WDR41: variants seen among roughly 807,000 people sequenced by gnomAD.
WDR41 encodes the protein WD repeat-containing protein 41.
Under a neutral mutation model 69.3 loss-of-function variants are expected in WDR41, and 63 were observed. That is an observed-to-expected ratio of 0.91 (90% CI 0.74 to 1.12). The LOEUF is 1.12. Ranked by LOEUF, WDR41 falls within the 50% of genes most tolerant of loss-of-function variation. WDR41 has a pLI of 0.00. For missense variants in WDR41, 543 were observed against 534.5 expected (o/e 1.02, Z -0.16); for synonymous variants, 185 against 192.1 (o/e 0.96, Z 0.31).
chr5:77,533,810 T>C (rs1424865498), intron 1 of WDR41, among the ~76,000 whole-genome samples: 1 of 152,180 alleles, frequency 6.6e-6, no homozygotes, highest in East Asian at 1.9e-4. Flanking sequence ...TTAAACCTTA[T>C]CAGATTTATT....
intron 1 of WDR41, among the ~76,000 whole-genome samples, chr5:77,501,032 G>T (rs1018820956): frequency 1.3e-5 from 2 of 152,206 alleles, no homozygotes; most frequent in African/African-American, 2.4e-5. Context: ...CTTGGACAGT[G>T]GGCACAACCC....
chr5:77,607,610 A>T lies in WDR41; in HGVS notation c.42+12869T>A, dbSNP rs188377648. On this transcript the variant is annotated intron_variant, in intron 1 of 5. Transcript: ENST00000509971. Reference sequence around the variant, plus strand: ...TAGATCCTCTGTATGATTCTTCTAGATATGTCATTCCAAGATAAGTGTGGT... The same window carrying T: ...TAGATCCTCTGTATGATTCTTCTAGTTATGTCATTCCAAGATAAGTGTGGT... 7.9e-5 allele frequency among the ~76,000 whole-genome samples: 12 copies of T among 152,344 alleles called. No homozygotes were observed. The East Asian group carries it at 2.3e-3, about 29-fold the overall frequency.
intron 1 of WDR41, among the ~76,000 whole-genome samples, chr5:77,516,361 T>C (rs1395482455): frequency 6.6e-6 from 1 of 152,214 alleles, no homozygotes; most frequent in East Asian, 1.9e-4. Flanking sequence ...AAATAACGCA[T>C]GAATATATTA....
At position 77,604,606 on chromosome 5, in the gene WDR41, A is replaced by G. The variant is rs1020441713; in HGVS notation, c.42+15873T>C. Among the ~76,000 whole-genome samples the G allele has an allele frequency of 3.9e-5, 6 of 152,314 alleles. No individual in the cohort carries two copies. In the East Asian group the frequency reaches 1.2e-3, roughly 29 times the overall value. On this transcript the variant is annotated intron_variant, in intron 1 of 5. Transcript: ENST00000509971. ...GTTTTGACATTATCTATAAAATTAA[A>G]AATGGAAAAGTCTTTGATCTAGCAA...
At chr5:77,435,373 G>C (rs2151283399) in intron 12 of WDR41, among the ~76,000 whole-genome samples, 1 of 152,250 alleles carries the variant, frequency 6.6e-6, no homozygotes, top group East Asian at 1.9e-4. Context: ...TGCAGCCTAG[G>C]GTAACAGCCT....
intron 1 of WDR41, among the ~76,000 whole-genome samples, chr5:77,535,312 A>G (rs868442099): frequency 6.6e-6 from 1 of 152,160 alleles, no homozygotes; most frequent in African/African-American, 2.4e-5. Context: ...GGGGAGAAAC[A>G]TGCTATATTT....
chr5:77,606,590 G>T (rs1744424271), intron 1 of WDR41, among the ~76,000 whole-genome samples: 1 of 151,970 alleles, frequency 6.6e-6, no homozygotes, highest in Non-Finnish European at 1.5e-5. Context: ...ATCACTTGAG[G>T]CCAGGAGTTC....
chr5:77,575,307 A>G (rs1260935116), intron 1 of WDR41, among the ~76,000 whole-genome samples: 2 of 152,324 alleles, frequency 1.3e-5, no homozygotes, highest in East Asian at 3.9e-4. Flanking sequence ...GAACTTTGCA[A>G]TGAGATAATT....
intron 1 of WDR41, among the ~76,000 whole-genome samples, chr5:77,613,691 C>T (rs1744613652): frequency 6.6e-6 from 1 of 152,172 alleles, no homozygotes; most frequent in South Asian, 2.1e-4. Flanking sequence ...CCATAAAAAC[C>T]CTAGAAGAAA....
intron 11 of WDR41, 27 bp from the exon 12 acceptor site, chr5:77,436,421 A>G (rs1798937832): frequency 6.2e-7 from 1 of 1,613,214 alleles, no homozygotes; most frequent in South Asian, 1.1e-5. Context: ...TTCCAAAATT[A>G]CTGTGCTCTG....
chr5:77,481,377 G>A (rs890191800), intron 2 of WDR41, among the ~76,000 whole-genome samples: 13 of 152,124 alleles, frequency 8.5e-5, no homozygotes, highest in Non-Finnish European at 1.8e-4. Context: ...TATTTTTGAG[G>A]TAAGCCTGTA....
intron 7 of WDR41, among the ~76,000 whole-genome samples, chr5:77,450,469 C>CT (rs1799582749): frequency 6.6e-6 from 1 of 152,146 alleles, no homozygotes; most frequent in African/African-American, 2.4e-5. Flanking sequence ...CTGACTTTAA[C>CT]AAATACAGTT....
intron 4 of WDR41, among the ~76,000 whole-genome samples, chr5:77,461,293 ATATG>A (rs1800043235): frequency 1.3e-5 from 2 of 151,972 alleles, no homozygotes; most frequent in Non-Finnish European, 1.5e-5. Flanking sequence ...AAACATACAT[ATATG>A]TGTGTATGTA....
At chr5:77,606,192 T>C (rs2112331664) in intron 1 of WDR41, among the ~76,000 whole-genome samples, 1 of 152,250 alleles carries the variant, frequency 6.6e-6, no homozygotes, top group South Asian at 2.1e-4. Flanking sequence ...TATGAGTTCC[T>C]CGAAGACAGA....
At chr5:77,489,384 A>C in intron 2 of WDR41, 73 bp downstream of exon 2, 1 of 808,758 alleles carries the variant, frequency 1.2e-6, no homozygotes, top group African/African-American at 1.8e-5. Flanking sequence ...TATTAATTTT[A>C]AAGGTGTTTA....
At chr5:77,555,307 A>C (rs1743371764) in intron 1 of WDR41, among the ~76,000 whole-genome samples, 1 of 152,160 alleles carries the variant, frequency 6.6e-6, no homozygotes, top group Admixed American at 6.6e-5. Context: ...ATTATCTTTT[A>C]TTTAATTCAT....
intron 1 of WDR41, among the ~76,000 whole-genome samples, chr5:77,589,977 T>A (rs930066756): frequency 6.6e-6 from 1 of 152,246 alleles, no homozygotes; most frequent in African/African-American, 2.4e-5. Flanking sequence ...TCTATATGAG[T>A]TTTGGGTTAT....
At chr5:77,490,336 A>G (rs1406020663) in intron 1 of WDR41, among the ~76,000 whole-genome samples, 1 of 152,144 alleles carries the variant, frequency 6.6e-6, no homozygotes, top group Non-Finnish European at 1.5e-5. Flanking sequence ...GTCTATACAC[A>G]TTAGATGCCA....
At chr5:77,606,449 G>C (rs76199584) in intron 1 of WDR41, among the ~76,000 whole-genome samples, 1 of 152,212 alleles carries the variant, frequency 6.6e-6, no homozygotes, top group African/African-American at 2.4e-5. Flanking sequence ...TATCAGGAAA[G>C]ATGGCCAACT....
Sources: gnomAD v4.1 joint callset for allele counts (sites outside exome capture counted in the v4.1 genomes callset) on GRCh38, gnomAD v4.1.1 for gene constraint, MANE v1.5 for transcripts, NCBI Gene and HGNC (gene_info 2026-07-23, HGNC 2026-07-21) for gene names.